Variants in ABCC1 observed in about 807,000 individuals in gnomAD.
ABCC1 encodes the protein multidrug resistance-associated protein 1.
A neutral mutation model predicts 172.9 loss-of-function variants in ABCC1; 83 were observed. That is an observed-to-expected ratio of 0.48 (90% CI 0.40 to 0.58). The LOEUF (loss-of-function observed/expected upper bound fraction) is 0.58, where lower values mean the gene tolerates loss of function less well. Among genes scored for constraint, ABCC1 ranks in the 20% least tolerant of loss-of-function variants. The pLI, the probability that ABCC1 is intolerant of heterozygous loss-of-function variation, is 0.00. For missense variants in ABCC1, 1,817 were observed against 2,002.7 expected (o/e 0.91, Z 1.77); for synonymous variants, 937 against 825.2 (o/e 1.14, Z -2.32).
At chr16:15,987,732 G>A (rs1189619005) in intron 1 of ABCC1, among the ~76,000 whole-genome samples, 2 of 152,196 alleles carry the variant, frequency 1.3e-5, no homozygotes, top group Non-Finnish European at 1.5e-5. Context: ...GAATCCCTGC[G>A]GTGGCCTGTG....
intron 1 of ABCC1, among the ~76,000 whole-genome samples, chr16:15,994,133 T>C (rs1454073969): frequency 2.6e-5 from 4 of 152,110 alleles, no homozygotes; most frequent in Admixed American, 2.0e-4. Context: ...GGCAGGAGGA[T>C]TGCTGGAGCC....
At chr16:16,093,710 C>T (rs188755509) in intron 19 of ABCC1, among the ~76,000 whole-genome samples, 248 of 152,288 alleles carry the variant, frequency 1.6e-3, no homozygotes, top group African/African-American at 5.5e-3. Flanking sequence ...TTAGCCAACT[C>T]GAAGCGCCAA....
chr16:16,109,939 G>A (rs904642807), intron 21 of ABCC1, among the ~76,000 whole-genome samples: 4 of 152,076 alleles, frequency 2.6e-5, no homozygotes, highest in Admixed American at 6.6e-5. Context: ...GTCTGACTGC[G>A]ACCGGTTTTT....
At chr16:15,960,006 C>T (rs902666832) in intron 1 of ABCC1, among the ~76,000 whole-genome samples, 21 of 152,150 alleles carry the variant, frequency 1.4e-4, no homozygotes, top group African/African-American at 4.8e-4. Context: ...TCTGAGGAAC[C>T]TCAGTGTACC....
chr16:16,066,636 T>C (rs988019689), intron 12 of ABCC1, among the ~76,000 whole-genome samples: 1 of 151,534 alleles, frequency 6.6e-6, no homozygotes, highest in Admixed American at 6.6e-5. Context: ...TGGTGGCTCA[T>C]ACCTGTAATC....
At chr16:16,034,274 C>T (rs1240071971) in intron 6 of ABCC1, among the ~76,000 whole-genome samples, 4 of 150,992 alleles carry the variant, frequency 2.6e-5, no homozygotes, top group Admixed American at 6.6e-5. Flanking sequence ...GTGATTCTCC[C>T]GCCTCAGCCT....
Position 15,949,734 on chromosome 16 carries a change from G to A in ABCC1, c.-18G>A. On this transcript the variant is annotated 5_prime_UTR_variant, in exon 1 of 31. Coordinates refer to ENST00000399410, the MANE Select transcript of ABCC1 (RefSeq NM_004996.4). The stretch of plus-strand genomic sequence containing the variant: ...GATCACCCGCCGCCCGGTGCCCGCC[G>A]CCGCCCGCGCCACCGGCATGGCGCT... The A allele has an allele frequency of 8.6e-7, 1 of 1,161,216 alleles. No homozygotes were observed. The highest frequency in any genetic ancestry group is 4.4e-5 in the Admixed American group (1 of 22,842). 71.9% of individuals were successfully genotyped at this position (1,161,216 alleles called of 1,614,324 possible). A position where few individuals can be genotyped will look rare whatever the true frequency, so the allele number is the denominator to read the frequency against.
At chr16:15,987,618 G>C (rs998483676) in intron 1 of ABCC1, among the ~76,000 whole-genome samples, 1 of 152,170 alleles carries the variant, frequency 6.6e-6, no homozygotes, top group African/African-American at 2.4e-5. Flanking sequence ...GTTGTCACAT[G>C]TCCCCTGAGT....
At chr16:16,110,724 A>G (rs568781602) in intron 21 of ABCC1, among the ~76,000 whole-genome samples, 2 of 152,114 alleles carry the variant, frequency 1.3e-5, no homozygotes, top group South Asian at 4.2e-4. Context: ...CCTCGAAGAA[A>G]ACCTCCCCCA....
intron 6 of ABCC1, among the ~76,000 whole-genome samples, chr16:16,034,455 G>A (rs2048673660): frequency 6.6e-6 from 1 of 152,092 alleles, no homozygotes; most frequent in Non-Finnish European, 1.5e-5. Context: ...GACCCCGGAT[G>A]CATGCTAATA....
At chr16:16,048,024 GGA>G (rs990730474) in intron 9 of ABCC1, 116 bp from the exon 10 acceptor site, 2 of 1,296,414 alleles carry the variant, frequency 1.5e-6, no homozygotes, top group Non-Finnish European at 2.2e-6. Flanking sequence ...GAGGGGAGGA[GGA>G]GAGATCTGCG....
chr16:16,117,778 T>C (rs1286217143), intron 23 of ABCC1, among the ~76,000 whole-genome samples: 1 of 152,190 alleles, frequency 6.6e-6, no homozygotes, highest in Non-Finnish European at 1.5e-5. Context: ...TGGTGGCATG[T>C]GCCTATAGTC....
At chr16:16,074,947 C>CTTTTTT (rs71137910) in intron 14 of ABCC1, among the ~76,000 whole-genome samples, 1 of 129,198 alleles carries the variant, frequency 7.7e-6, no homozygotes. Flanking sequence ...TTTTCTTTTT[C>CTTTTTT]TTTTTTTTTT....
intron 26 of ABCC1, among the ~76,000 whole-genome samples, chr16:16,131,326 C>G (rs1436305332): frequency 6.6e-6 from 1 of 152,184 alleles, no homozygotes; most frequent in Admixed American, 6.5e-5. Context: ...TCTGTGCCTT[C>G]TACCACTAGT....
rs771021687 is a variant in ABCC1, at chr16:16,138,462, C to T, written c.4391C>T (p.Thr1464Met). 50 of 1,613,350 alleles carry T rather than the reference C, an allele frequency of 3.1e-5. No individual in the cohort carries two copies. Among genetic ancestry groups the T allele is most frequent in the Admixed American group, 1.3e-4 (8 of 59,974 alleles). Residue 1464 changes from threonine (T) to methionine (M), a missense_variant, in exon 30 of 31, where the codon ACG (threonine) becomes ATG (methionine). Around this residue, in one of 3 missense-constraint regions of ABCC1, gnomAD observed 1,412 missense variants for 1,600.3 expected, o/e 0.88. Transcript: ENST00000399410. ...GCCACGGCAGCCGTGGACCTGGAAA[C>T]GGACGACCTCATCCAGTCCACCATC... ...DEATAAVDLE[T>M]DDLIQSTIRT...
intron 1 of ABCC1, among the ~76,000 whole-genome samples, chr16:15,995,282 T>TA (rs1450005304): frequency 1.3e-5 from 2 of 152,116 alleles, no homozygotes; most frequent in Admixed American, 6.6e-5. Flanking sequence ...GTGAAACACT[T>TA]AGAGTGGTGC....
intron 19 of ABCC1, among the ~76,000 whole-genome samples, chr16:16,099,357 T>C (rs2051625355): frequency 6.6e-6 from 1 of 152,106 alleles, no homozygotes; most frequent in Non-Finnish European, 1.5e-5. Flanking sequence ...CAGGTGGTGG[T>C]GGGGACCCTG....
intron 24 of ABCC1, among the ~76,000 whole-genome samples, chr16:16,124,386 T>TGG (rs1400434935): frequency 8.5e-4 from 93 of 109,524 alleles, no homozygotes; most frequent in Non-Finnish European, 1.6e-3. Context: ...GCTGTGTGTG[T>TGG]GTGTGTGTGT....
At chr16:16,049,049 C>A (rs1233007711) in intron 10 of ABCC1, among the ~76,000 whole-genome samples, 1 of 151,764 alleles carries the variant, frequency 6.6e-6, no homozygotes, top group Admixed American at 6.6e-5. Context: ...TCTCAGAAAT[C>A]TGGGGACTAG....
Sources: allele counts gnomAD v4.1 joint callset (sites outside exome capture counted in the v4.1 genomes callset), GRCh38; gene constraint gnomAD v4.1.1; regional missense constraint gnomAD v4.1.1; transcripts MANE v1.5; gene names NCBI Gene and HGNC (gene_info 2026-07-23, HGNC 2026-07-21).